The following PRRC2C variants were observed in gnomAD, a reference collection of about 807,000 sequenced individuals.
PRRC2C encodes the protein proline rich coiled-coil 2C, also known as protein PRRC2C.
In PRRC2C, 72 loss-of-function variants were observed where a neutral mutation model predicts 317.2. That is an observed-to-expected ratio of 0.23 (90% CI 0.19 to 0.28). The LOEUF (loss-of-function observed/expected upper bound fraction) is 0.28. Among genes scored for constraint, PRRC2C ranks in the 10% least tolerant of loss-of-function variants. The probability of loss-of-function intolerance (pLI) is 1.00; values close to 1 mark genes in which losing one functional copy is unlikely to be tolerated. For missense variants in PRRC2C, 3,074 were observed against 3,459.7 expected (o/e 0.89, Z 2.80); for synonymous variants, 1,296 against 1,205.9 (o/e 1.07, Z -1.55).
At chr1:171,512,345 C>T (rs1671530937) in intron 2 of PRRC2C, 145 bp downstream of exon 2, 2 of 623,440 alleles carry the variant, frequency 3.2e-6, no homozygotes, top group South Asian at 3.1e-5. Context: ...ACACATTTTT[C>T]AGAGGATATG....
At chr1:171,486,320 C>T (rs983170929) in intron 1 of PRRC2C, among the ~76,000 whole-genome samples, 1 of 151,834 alleles carries the variant, frequency 6.6e-6, no homozygotes, top group African/African-American at 2.4e-5. Context: ...GAAGTGCTGC[C>T]CAACTCCGGA....
At chr1:171,588,760 T>G (rs529908052) in intron 33 of PRRC2C, among the ~76,000 whole-genome samples, 3 of 152,244 alleles carry the variant, frequency 2.0e-5, no homozygotes, top group Admixed American at 6.5e-5. Flanking sequence ...TGAGTCCTTT[T>G]CCTTTTAACT....
Position 171,557,231 on chromosome 1 carries a change from T to C in PRRC2C, c.5128-9T>C, listed in dbSNP as rs1681632957. Reference sequence around the variant, plus strand: ...TATTGACAAAAATGGTCCCCGTTAATTTTTTAAGGTCTGGAACAAAAAGAA... The same window carrying C: ...TATTGACAAAAATGGTCCCCGTTAACTTTTTAAGGTCTGGAACAAAAAGAA... On this transcript the variant is annotated splice_polypyrimidine_tract_variant and intron_variant, in intron 18 of 34. Coordinates refer to ENST00000647382, the MANE Select transcript of PRRC2C (RefSeq NM_001387844.1). The C allele has an allele frequency of 3.9e-6, 6 of 1,529,694 alleles. No individual in the cohort carries two copies. The highest frequency in any genetic ancestry group is 5.3e-6 in the Non-Finnish European group (6 of 1,137,534). 94.8% of individuals were successfully genotyped at this position (1,529,694 alleles called of 1,614,324 possible).
intron 1 of PRRC2C, among the ~76,000 whole-genome samples, chr1:171,508,607 C>T (rs933694742): frequency 9.2e-5 from 14 of 152,252 alleles, no homozygotes; most frequent in African/African-American, 2.9e-4. Context: ...AGAGTTAAAT[C>T]GGATGTTCTA....
chr1:171,513,209 C>T lies in PRRC2C; in HGVS notation c.290+37C>T, dbSNP rs766962334. On this transcript the variant is annotated intron_variant, in intron 3 of 34. Transcript: ENST00000647382. ...TCTGTTAAAGAATGAAGCCCTTCCC[C>T]TTTCTTTGTAGGGAACTTATGTTTG... 2.6e-6 allele frequency: 4 copies of T among 1,566,454 alleles called. No homozygotes were observed. The African/African-American group carries it at 4.1e-5, about 16-fold the overall frequency.
chr1:171,504,315 A>G (rs1669772468), intron 1 of PRRC2C, among the ~76,000 whole-genome samples: 1 of 152,118 alleles, frequency 6.6e-6, no homozygotes, highest in South Asian at 2.1e-4. Flanking sequence ...TTTTTTATAG[A>G]TTGTGCTTTT....
intron 19 of PRRC2C, among the ~76,000 whole-genome samples, chr1:171,558,954 A>G (rs979838634): frequency 3.9e-5 from 6 of 152,234 alleles, no homozygotes; most frequent in Admixed American, 1.3e-4. Context: ...TGCTGATACA[A>G]AGTTATAGTG....
chr1:171,552,843 T>A (rs987623371), intron 18 of PRRC2C, among the ~76,000 whole-genome samples: 3 of 152,224 alleles, frequency 2.0e-5, no homozygotes, highest in African/African-American at 7.2e-5. Flanking sequence ...AGCTTTCTGA[T>A]GTGCTGCTGG....
In PRRC2C at chr1:171,540,447, G is replaced by T; in HGVS notation, c.2981G>T (p.Arg994Leu). 6.2e-7 allele frequency: 1 copy of T among 1,612,984 alleles called. No homozygotes were observed. The highest frequency in any genetic ancestry group is 1.1e-5 in the South Asian group (1 of 90,934). ...EKVYKSKSET[R>L]WGPRPSSNRR... is the part of the protein sequence containing the mutation. The stretch of plus-strand genomic sequence containing the variant: ...GTATATAAATCTAAATCAGAAACTC[G>T]TTGGGGCCCACGACCAAGCTCTAAC... Residue 994 changes from arginine to leucine, a missense_variant, in exon 16 of 35, where the codon CGT becomes CTT. Physicochemically the swap from Arg to Leu is moderately radical, Grantham distance 102. Transcript: ENST00000647382.
intron 25 of PRRC2C, among the ~76,000 whole-genome samples, chr1:171,575,648 TC>T (rs1394192298): frequency 1.3e-5 from 2 of 152,214 alleles, no homozygotes; most frequent in African/African-American, 4.8e-5. Context: ...TTGCTCTTTT[TC>T]CTTAGATTTT....
At chr1:171,589,986 T>TC (rs200672195) in intron 34 of PRRC2C, among the ~76,000 whole-genome samples, 36,180 of 146,976 alleles carry the variant, frequency 0.25, 5,084 homozygotes, top group South Asian at 0.49. Flanking sequence ...TTTCTTTCTT[T>TC]TTTTTTTTTT....
Position 171,593,271 on chromosome 1 carries a change from TAC to T in PRRC2C, c.*1426_*1427del. ...TTTTATATAAATATATATATATATA[TAC>T]ATATATATATATAATTTGAATTTTT... On this transcript the variant is annotated 3_prime_UTR_variant, in exon 35 of 35. Transcript: ENST00000647382. The T allele has an allele frequency of 6.8e-6, 1 of 147,546 alleles. No homozygotes were observed. Among genetic ancestry groups the T allele is most frequent in the South Asian group, 2.1e-4 (1 of 4,756 alleles). 9.1% of individuals were successfully genotyped at this position (147,546 alleles called of 1,614,324 possible).
At chr1:171,531,935 A>G (rs1046466554) in intron 11 of PRRC2C, among the ~76,000 whole-genome samples, 1 of 152,188 alleles carries the variant, frequency 6.6e-6, no homozygotes, top group Non-Finnish European at 1.5e-5. Flanking sequence ...CTCACATGCC[A>G]TCATTTTGGA....
intron 1 of PRRC2C, among the ~76,000 whole-genome samples, chr1:171,491,671 G>A (rs1336740885): frequency 1.3e-5 from 2 of 152,174 alleles, no homozygotes; most frequent in Admixed American, 6.5e-5. Flanking sequence ...GGTTGGGCAA[G>A]TACAGAATTC....
rs769278771 is a variant in PRRC2C, at chr1:171,540,341, A to G, written c.2875A>G (p.Lys959Glu). 8.7e-6 allele frequency: 14 copies of G among 1,613,262 alleles called. No homozygotes were observed. Among genetic ancestry groups the G allele is most frequent in the African/African-American group, 6.7e-5 (5 of 74,864 alleles). Reference sequence around the variant, plus strand: ...AGTAACCAGCAGATGCATTGATTCAAAAGAACCAATAGAAAGGCCAGAGGA... The same window carrying G: ...AGTAACCAGCAGATGCATTGATTCAGAAGAACCAATAGAAAGGCCAGAGGA... ...PKVTSRCIDS[K>E]EPIERPEEKP... Residue 959 changes from lysine to glutamate, a missense_variant, in exon 16 of 35, where the codon AAA (lysine) becomes GAA (glutamate). Lys to Glu is a moderately conservative substitution (Grantham distance 56, BLOSUM62 1). Coordinates refer to ENST00000647382, the MANE Select transcript of PRRC2C (RefSeq NM_001387844.1).
chr1:171,539,860 C>T (rs891582933), intron 15 of PRRC2C, 111 bp from the exon 16 acceptor site: 2 of 941,318 alleles, frequency 2.1e-6, no homozygotes, highest in Non-Finnish European at 3.2e-6. Context: ...GAAAGATTCT[C>T]ATTATGGTTA....
Position 171,514,586 on chromosome 1 carries a change from C to A in PRRC2C, c.341C>A (p.Pro114Gln). 1 of 1,561,560 alleles carries A rather than the reference C, an allele frequency of 6.4e-7. No individual in the cohort carries two copies. Among genetic ancestry groups the A allele is most frequent in the Non-Finnish European group, 8.7e-7 (1 of 1,152,960 alleles). ...CCAAAACCTGGGGTTGCAGCTCCCC[C>A]AGAAGTAGCACCTGCTCCCAAATCA... ...AQPKPGVAAP[P>Q]EVAPAPKSWA... is the part of the protein sequence containing the mutation. Residue 114 changes from proline to glutamine, a missense_variant, in exon 4 of 35, where the codon CCA (proline) becomes CAA (glutamine). Physicochemically the swap from Pro to Gln is moderately conservative, Grantham distance 76. Transcript: ENST00000647382.
chr1:171,496,199 CT>C (rs528654548), intron 1 of PRRC2C, among the ~76,000 whole-genome samples: 114 of 75,650 alleles, frequency 1.5e-3, no homozygotes, highest in African/African-American at 4.0e-3. Flanking sequence ...ATTTTTGTGC[CT>C]TTTTTTTTTT....
In PRRC2C at chr1:171,512,337, A is replaced by G. The variant is rs1335541718; in HGVS notation, c.112+137A>G. The G allele has an allele frequency of 4.6e-6, 3 of 647,494 alleles. 1 individual carries two copies. The Admixed American group carries it at 6.4e-5, about 14-fold the overall frequency. 40.1% of individuals were successfully genotyped at this position (647,494 alleles called of 1,614,324 possible). ...TACATTTGCGTTTTTATGCATGCAC[A>G]CATTTTTCAGAGGATATGTGATAAA... On this transcript the variant is annotated intron_variant, in intron 2 of 34. Transcript: ENST00000647382.
Sources: gnomAD v4.1 joint callset for allele counts (sites outside exome capture counted in the v4.1 genomes callset) on GRCh38, gnomAD v4.1.1 for gene constraint, MANE v1.5 for transcripts, NCBI Gene and HGNC (gene_info 2026-07-23, HGNC 2026-07-21) for gene names.